Variants in OLFM3 observed in about 807,000 individuals in gnomAD.
The protein encoded by OLFM3 is noelin-3.
OLFM3 carries 20 observed loss-of-function variants against 48.6 expected under a neutral mutation model. The observed-to-expected ratio is 0.41, with a 90% CI of 0.29 to 0.60. The LOEUF is 0.60. OLFM3 is among the 20% of genes least tolerant of loss of function. OLFM3 has a pLI of 0.28. For missense variants in OLFM3, 437 were observed against 544.3 expected (o/e 0.80, Z 1.96); for synonymous variants, 222 against 198.1 (o/e 1.12, Z -1.01).
chr1:101,904,400 G>C (rs1309168012), intron 1 of OLFM3, among the ~76,000 whole-genome samples: 2 of 152,068 alleles, frequency 1.3e-5, no homozygotes, highest in African/African-American at 4.8e-5. Flanking sequence ...GGAAGAGAGA[G>C]AAGTTCCATT....
intron 1 of OLFM3, among the ~76,000 whole-genome samples, chr1:101,928,843 C>T (rs554159226): frequency 6.6e-6 from 1 of 152,142 alleles, no homozygotes; most frequent in Admixed American, 6.6e-5. Context: ...TAAATGTACT[C>T]AAAAGAGGCT....
At chr1:101,936,362 C>A (rs1408060499) in intron 1 of OLFM3, among the ~76,000 whole-genome samples, 1 of 151,980 alleles carries the variant, frequency 6.6e-6, no homozygotes. Flanking sequence ...AACCCTCTTA[C>A]AATAGCCACA....
intron 1 of OLFM3, among the ~76,000 whole-genome samples, chr1:101,903,123 T>C (rs1488926803): frequency 6.6e-6 from 1 of 152,090 alleles, no homozygotes. Flanking sequence ...ACAAGCATTA[T>C]AGAAGGGCAG....
At chr1:101,982,694 G>A (rs1276594467) in intron 1 of OLFM3, among the ~76,000 whole-genome samples, 3 of 152,130 alleles carry the variant, frequency 2.0e-5, no homozygotes, top group Non-Finnish European at 4.4e-5. Context: ...CTTCCTGACT[G>A]CTTTTGAGCT....
In OLFM3 at chr1:101,804,257, TTGA is replaced by T; in HGVS notation, c.1355_1357del (p.Ile452del). The T allele has an allele frequency of 6.3e-7, 1 of 1,599,114 alleles. No homozygotes were observed. The highest frequency in any genetic ancestry group is 8.5e-7 in the Non-Finnish European group (1 of 1,172,774). ...ATTTGCCTATGTGTCATCCTCTGTC[TTGA>T]TGATATGGAAAAGGGTGACATTGAA... On this transcript the variant is annotated inframe_deletion, in exon 6 of 6. Coordinates refer to ENST00000370103, the MANE Select transcript of OLFM3 (RefSeq NM_058170.4). The surrounding 1 kb of genome is among the most constrained non-coding windows in gnomAD (Gnocchi z 4.5).
rs1379756626 is a variant in OLFM3 at position 101,803,487 on chromosome 1, T to C, written c.*751A>G. ...AAAGACTCTATGTCAGGTGTCTGGT[T>C]TGGTTTTCATTTTAGTTTATAATGC... On this transcript the variant is annotated 3_prime_UTR_variant, in exon 6 of 6. Coordinates refer to ENST00000370103, the MANE Select transcript of OLFM3 (RefSeq NM_058170.4). 2 of 152,108 alleles carry C rather than the reference T, an allele frequency of 1.3e-5. No individual in the cohort carries two copies. Among genetic ancestry groups the C allele is most frequent in the African/African-American group, 4.8e-5 (2 of 41,360 alleles). 9.4% of individuals were successfully genotyped at this position (152,108 alleles called of 1,614,324 possible).
At chr1:101,909,730 T>G (rs1658685057) in intron 1 of OLFM3, among the ~76,000 whole-genome samples, 1 of 152,224 alleles carries the variant, frequency 6.6e-6, no homozygotes, top group Non-Finnish European at 1.5e-5. Flanking sequence ...AGTTAGATAG[T>G]TATACTGAGT....
At chr1:101,850,572 T>G (rs1404408105) in intron 1 of OLFM3, among the ~76,000 whole-genome samples, 1 of 152,078 alleles carries the variant, frequency 6.6e-6, no homozygotes, top group Admixed American at 6.6e-5. Flanking sequence ...AGTTTGGGAC[T>G]GTATGTATGG....
chr1:101,910,984 G>A (rs1285830715), intron 1 of OLFM3, among the ~76,000 whole-genome samples: 1 of 152,112 alleles, frequency 6.6e-6, no homozygotes, highest in Non-Finnish European at 1.5e-5. Flanking sequence ...AGTTATTAGA[G>A]TTATTTAGCA....
At chr1:101,849,397 G>A (rs988503268) in intron 1 of OLFM3, among the ~76,000 whole-genome samples, 5 of 152,208 alleles carry the variant, frequency 3.3e-5, no homozygotes, top group African/African-American at 9.7e-5. Context: ...AGCATAGTGT[G>A]AATGGTAATG....
intron 1 of OLFM3, among the ~76,000 whole-genome samples, chr1:101,917,251 G>T (rs1016607593): frequency 2.0e-5 from 3 of 152,072 alleles, no homozygotes; most frequent in Admixed American, 6.6e-5. Context: ...GCAATGAAAG[G>T]TTGAAATAAA....
At chr1:101,862,821 A>T (rs961198893) in intron 1 of OLFM3, among the ~76,000 whole-genome samples, 1 of 152,218 alleles carries the variant, frequency 6.6e-6, no homozygotes, top group Non-Finnish European at 1.5e-5. Context: ...ATTTCAATAC[A>T]TAAACTATTC....
intron 1 of OLFM3, among the ~76,000 whole-genome samples, chr1:101,921,907 A>C (rs1194284648): frequency 6.6e-6 from 1 of 152,080 alleles, no homozygotes; most frequent in African/African-American, 2.4e-5. Flanking sequence ...AAAATACAAA[A>C]AATTAGCCGG....
Position 101,933,823 on chromosome 1 carries a change from GA to G in OLFM3, c.69+62924del, listed in dbSNP as rs984072118. ...GGGGCCTATATACAGCATTCTTAAA[GA>G]AAAAAAAAATCCGAAGAAGAATTTT... On this transcript the variant is annotated intron_variant, in intron 1 of 5. Transcript: ENST00000370103. 9.5e-3 allele frequency among the ~76,000 whole-genome samples: 1,419 copies of G among 149,650 alleles called. 28 individuals carry two copies. The highest frequency in any genetic ancestry group is 0.032 in the African/African-American group (1,323 of 40,958).
intron 1 of OLFM3, among the ~76,000 whole-genome samples, chr1:101,976,296 A>T (rs1436474010): frequency 6.6e-6 from 1 of 152,204 alleles, no homozygotes; most frequent in African/African-American, 2.4e-5. Flanking sequence ...ACCTGGTATT[A>T]TCAGTAGCTG....
intron 1 of OLFM3, among the ~76,000 whole-genome samples, chr1:101,935,676 AG>A (rs1383686957): frequency 6.6e-6 from 1 of 152,172 alleles, no homozygotes; most frequent in African/African-American, 2.4e-5. Flanking sequence ...CAACACAAAA[AG>A]AAAACTACAG....
intron 1 of OLFM3, among the ~76,000 whole-genome samples, chr1:101,880,922 A>G (rs1049854874): frequency 2.0e-5 from 3 of 151,840 alleles, no homozygotes; most frequent in African/African-American, 7.2e-5. Context: ...GACAGGCGAG[A>G]CCCTGTATGC....
chr1:101,856,614 T>C (rs1395952556), intron 1 of OLFM3, among the ~76,000 whole-genome samples: 3 of 152,012 alleles, frequency 2.0e-5, no homozygotes, highest in Non-Finnish European at 2.9e-5. Context: ...ATTTTTTTGT[T>C]CTCTCCACAT....
At chr1:101,813,475 A>G (rs1263556160) in intron 4 of OLFM3, among the ~76,000 whole-genome samples, 2 of 152,196 alleles carry the variant, frequency 1.3e-5, no homozygotes, top group Non-Finnish European at 2.9e-5. Context: ...AAAATCAAAT[A>G]TAGTTATATT....
Sources: allele counts gnomAD v4.1 joint callset (sites outside exome capture counted in the v4.1 genomes callset), GRCh38; gene constraint gnomAD v4.1.1; non-coding constraint Gnocchi (gnomAD v3.1); transcripts MANE v1.5; gene names NCBI Gene and HGNC (gene_info 2026-07-23, HGNC 2026-07-21).